Variants in LRRIQ3 observed in about 807,000 individuals in gnomAD.
The protein encoded by LRRIQ3 is leucine rich repeats and IQ motif containing 3, also known as leucine-rich repeat and IQ domain-containing protein 3.
Under a neutral mutation model 59.3 loss-of-function variants are expected in LRRIQ3, and 75 were observed. That is an observed-to-expected ratio of 1.26 (90% CI 1.05 to 1.53). The LOEUF is 1.53. Among genes scored for constraint, LRRIQ3 ranks in the 40% most tolerant of loss-of-function variants. LRRIQ3 has a pLI of 0.00. For missense variants in LRRIQ3, 831 were observed against 710.0 expected, an observed-to-expected ratio of 1.17 and a Z score of -1.94; for synonymous variants, 250 against 231.3, an observed-to-expected ratio of 1.08 and a Z score of -0.73.
intron 1 of LRRIQ3, among the ~76,000 whole-genome samples, chr1:74,188,115 C>A (rs934241947): frequency 2.6e-5 from 4 of 152,048 alleles, no homozygotes; most frequent in Admixed American, 2.6e-4. Flanking sequence ...ATGTCCTTTA[C>A]AGGAACATGG....
chr1:74,119,011 C>A (rs1646815016), intron 4 of LRRIQ3, among the ~76,000 whole-genome samples: 1 of 152,114 alleles, frequency 6.6e-6, no homozygotes, highest in East Asian at 1.9e-4. Context: ...TAAAATTCTA[C>A]CGTTATAACA....
At chr1:74,096,824 ATT>A (rs1646455325) in intron 5 of LRRIQ3, among the ~76,000 whole-genome samples, 2 of 152,170 alleles carry the variant, frequency 1.3e-5, no homozygotes, top group South Asian at 4.2e-4. Flanking sequence ...TCCAGACCCT[ATT>A]TGCCTGGGTA....
chr1:74,122,436 C>T (rs1332603016), intron 4 of LRRIQ3, among the ~76,000 whole-genome samples: 1 of 151,616 alleles, frequency 6.6e-6, no homozygotes, highest in Non-Finnish European at 1.5e-5. Context: ...TTGTTTTTTT[C>T]TTATAAATTT....
intron 4 of LRRIQ3, among the ~76,000 whole-genome samples, chr1:74,146,172 C>T (rs1409043412): frequency 6.6e-6 from 1 of 152,018 alleles, no homozygotes; most frequent in Admixed American, 6.6e-5. Flanking sequence ...TCTATGGGTT[C>T]ACACAATGAC....
intron 6 of LRRIQ3, among the ~76,000 whole-genome samples, chr1:74,056,053 G>A (rs898877022): frequency 6.6e-6 from 1 of 151,518 alleles, no homozygotes; most frequent in Admixed American, 6.6e-5. Context: ...GCTGAGGCAG[G>A]AGAATTGCTC....
intron 4 of LRRIQ3, among the ~76,000 whole-genome samples, chr1:74,111,829 C>CT (rs1646699230): frequency 6.6e-6 from 1 of 151,986 alleles, no homozygotes; most frequent in South Asian, 2.1e-4. Context: ...CATAGGATCC[C>CT]TCTACTACTG....
At position 74,074,647 on chromosome 1, in the gene LRRIQ3, T is replaced by A. The variant is rs1390985531; in HGVS notation, c.997+14A>T. On this transcript the variant is annotated intron_variant, in intron 6 of 7. Transcript: ENST00000354431. Reference sequence around the variant, plus strand: ...TATATTTATTAAATATAATTAAAAATTCATATAACTAACCTTTTTGAATGA... The same window carrying A: ...TATATTTATTAAATATAATTAAAAAATCATATAACTAACCTTTTTGAATGA... 5.8e-6 allele frequency: 7 copies of A among 1,216,676 alleles called. No individual in the cohort carries two copies. Among genetic ancestry groups the A allele is most frequent in the Non-Finnish European group, 6.5e-6 (6 of 927,242 alleles). 75.4% of individuals were successfully genotyped at this position (1,216,676 alleles called of 1,614,324 possible).
intron 5 of LRRIQ3, among the ~76,000 whole-genome samples, chr1:74,094,302 C>T (rs1646425732): frequency 6.6e-6 from 1 of 151,996 alleles, no homozygotes; most frequent in Non-Finnish European, 1.5e-5. Flanking sequence ...AAGATATTTG[C>T]AGATGTGATT....
At position 74,171,341 on chromosome 1, in the gene LRRIQ3, C is replaced by A. The variant is rs146484421; in HGVS notation, c.573+11197G>T. ...TCTTTCCATACATAATTGTTGAGAG[C>A]TTTTTTAATCATAAAAGGTGTTGAA... On this transcript the variant is annotated intron_variant, in intron 3 of 7. Coordinates refer to ENST00000354431, the MANE Select transcript of LRRIQ3 (RefSeq NM_001105659.2). 2.6e-5 allele frequency among the ~76,000 whole-genome samples: 4 copies of A among 152,116 alleles called. No homozygotes were observed. In the East Asian group the frequency reaches 7.7e-4, roughly 29 times the overall value.
intron 6 of LRRIQ3, among the ~76,000 whole-genome samples, chr1:74,051,991 T>TTCAG (rs1448577999): frequency 6.6e-6 from 1 of 152,114 alleles, no homozygotes; most frequent in Non-Finnish European, 1.5e-5. Flanking sequence ...TTTCTACAGG[T>TTCAG]TCCTGAATAA....
chr1:74,133,746 G>T lies in LRRIQ3; in HGVS notation c.707+21987C>A, dbSNP rs1647070021. 2.0e-5 allele frequency among the ~76,000 whole-genome samples: 3 copies of T among 151,940 alleles called. No individual in the cohort carries two copies. The South Asian group carries it at 6.2e-4, about 32-fold the overall frequency. ...GGAAGGGGGAGGGATAGCATTGGGA[G>T]ATATATCTAATGTAAATGACGAGTT... On this transcript the variant is annotated intron_variant, in intron 4 of 7. Coordinates refer to ENST00000354431, the MANE Select transcript of LRRIQ3 (RefSeq NM_001105659.2).
At chr1:74,176,269 G>A (rs964983746) in intron 3 of LRRIQ3, among the ~76,000 whole-genome samples, 1 of 151,978 alleles carries the variant, frequency 6.6e-6, no homozygotes, top group Non-Finnish European at 1.5e-5. Flanking sequence ...TTCTTTCTGA[G>A]CTTGAAAAAT....
At chr1:74,035,569 C>G (rs901960420) in intron 7 of LRRIQ3, among the ~76,000 whole-genome samples, 9 of 152,064 alleles carry the variant, frequency 5.9e-5, no homozygotes, top group Admixed American at 4.6e-4. Context: ...TTTTGCAATT[C>G]TTTGAGAAAG....
chr1:74,158,445 A>G (rs1279503554), intron 3 of LRRIQ3, among the ~76,000 whole-genome samples: 2 of 152,188 alleles, frequency 1.3e-5, no homozygotes. Context: ...CTGATAATCA[A>G]ACTTAAATGC....
intron 4 of LRRIQ3, among the ~76,000 whole-genome samples, chr1:74,134,801 G>C (rs1307948812): frequency 6.6e-6 from 1 of 151,414 alleles, no homozygotes; most frequent in African/African-American, 2.4e-5. Context: ...GAAAATACCT[G>C]TTTAATATAA....
intron 5 of LRRIQ3, among the ~76,000 whole-genome samples, chr1:74,105,516 G>T (rs1465449689): frequency 6.6e-6 from 1 of 151,912 alleles, no homozygotes; most frequent in African/African-American, 2.4e-5. Context: ...GCCTCCCTAA[G>T]TGCTGAGATT....
chr1:74,148,528 C>T (rs1330329504), intron 4 of LRRIQ3, among the ~76,000 whole-genome samples: 2 of 152,028 alleles, frequency 1.3e-5, no homozygotes, highest in African/African-American at 4.8e-5. Flanking sequence ...GTCCTTGGGC[C>T]TCAAGGATGT....
At chr1:74,066,983 T>C (rs1654883930) in intron 6 of LRRIQ3, among the ~76,000 whole-genome samples, 1 of 152,164 alleles carries the variant, frequency 6.6e-6, no homozygotes, top group African/African-American at 2.4e-5. Context: ...TAATAAATTA[T>C]GTCACCCCAA....
At chr1:74,036,348 C>A (rs887554301) in intron 7 of LRRIQ3, among the ~76,000 whole-genome samples, 3 of 152,116 alleles carry the variant, frequency 2.0e-5, no homozygotes, top group Admixed American at 6.6e-5. Flanking sequence ...TTGCTTGGTA[C>A]CCCTCATCCC....
Sources: gnomAD v4.1 joint callset for allele counts (sites outside exome capture counted in the v4.1 genomes callset) on GRCh38, gnomAD v4.1.1 for gene constraint, MANE v1.5 for transcripts, NCBI Gene and HGNC (gene_info 2026-07-23, HGNC 2026-07-21) for gene names.